Variants in CTNNA3 observed in about 807,000 individuals in gnomAD.
The protein encoded by CTNNA3 is catenin alpha-3.
In CTNNA3, 76 loss-of-function variants were observed where a neutral mutation model predicts 95.7. That is an observed-to-expected ratio of 0.79 (90% CI 0.66 to 0.96). The LOEUF (loss-of-function observed/expected upper bound fraction) is 0.96. Among genes scored for constraint, CTNNA3 ranks in the 40% least tolerant of loss-of-function variants. CTNNA3 has a pLI of 0.00. For synonymous variants in CTNNA3, 431 were observed against 374.4 expected (o/e 1.15, Z -1.74); for missense variants, 1,191 against 1,089.8 (o/e 1.09, Z -1.31).
chr10:66,893,542 CAA>C (rs147367482), intron 7 of CTNNA3, among the ~76,000 whole-genome samples: 13 of 131,444 alleles, frequency 9.9e-5, no homozygotes, highest in Middle Eastern at 3.9e-3. Context: ...AACAGAATTT[CAA>C]AAAAAAAAAA....
chr10:66,446,603 G>A lies in CTNNA3; in HGVS notation c.1532-67251C>T, dbSNP rs2093423655. Among the ~76,000 whole-genome samples the A allele has an allele frequency of 1.3e-5, 2 of 151,850 alleles. 1 individual carries two copies. The highest frequency in any genetic ancestry group is 2.9e-5 in the Non-Finnish European group (2 of 67,994). ...TGATTATCTCAATAGATGCAGAAAA[G>A]GCCTTTGACAAAATCCAAAAACCCT... On this transcript the variant is annotated intron_variant, in intron 11 of 17. Coordinates refer to ENST00000433211, the MANE Select transcript of CTNNA3 (RefSeq NM_013266.4).
Position 66,992,357 on chromosome 10 carries a change from T to C in CTNNA3, c.1047+187960A>G, listed in dbSNP as rs140808537. 5.1e-3 allele frequency among the ~76,000 whole-genome samples: 772 copies of C among 152,292 alleles called. 22 individuals carry two copies. The highest frequency in any genetic ancestry group is 0.043 in the Admixed American group (653 of 15,284). ...TTATATCCTTTGCCTATTTGTTGTT[T>C]CTTTGAGCTTCTCCCTCCTTCTCCT... is the stretch of plus-strand genomic sequence containing the variant. On this transcript the variant is annotated intron_variant, in intron 7 of 17. Transcript: ENST00000433211.
At chr10:66,775,363 C>T in intron 8 of CTNNA3, 81 bp downstream of exon 8, 7 of 948,368 alleles carry the variant, frequency 7.4e-6, no homozygotes, top group Non-Finnish European at 1.1e-5. Context: ...AGGAACAAAA[C>T]AAGAAACAAA....
intron 3 of CTNNA3, among the ~76,000 whole-genome samples, chr10:67,556,137 G>A (rs1389443622): frequency 6.6e-6 from 1 of 152,194 alleles, no homozygotes; most frequent in Non-Finnish European, 1.5e-5. Flanking sequence ...TTTTTGATGT[G>A]CTGCTGGATT....
At chr10:67,152,702 G>A (rs1861136798) in intron 7 of CTNNA3, among the ~76,000 whole-genome samples, 1 of 151,892 alleles carries the variant, frequency 6.6e-6, no homozygotes, top group African/African-American at 2.4e-5. Flanking sequence ...ATAAAGAAAG[G>A]GACTATTTAT....
chr10:66,020,364 G>A (rs1237938356), intron 15 of CTNNA3, among the ~76,000 whole-genome samples: 1 of 152,144 alleles, frequency 6.6e-6, no homozygotes, highest in Non-Finnish European at 1.5e-5. Context: ...TCTGGGAAAA[G>A]ACTGCTGATT....
At chr10:67,401,931 A>G (rs1844939224) in intron 5 of CTNNA3, among the ~76,000 whole-genome samples, 1 of 152,226 alleles carries the variant, frequency 6.6e-6, no homozygotes, top group South Asian at 2.1e-4. Context: ...TCAGAAACAA[A>G]GCCAACAAAG....
intron 12 of CTNNA3, among the ~76,000 whole-genome samples, chr10:66,310,114 T>C (rs4531353): frequency 0.64 from 95,973 of 150,416 alleles, 30,678 homozygotes; most frequent in East Asian, 0.75. Flanking sequence ...TGAGACTCCA[T>C]CTCAAAAAAA....
chr10:67,069,009 TCACCACTGAACTC>T (rs1297103598), intron 7 of CTNNA3, among the ~76,000 whole-genome samples: 1 of 151,620 alleles, frequency 6.6e-6, no homozygotes, highest in Non-Finnish European at 1.5e-5. Flanking sequence ...GCAGCTCAGA[TCACCACTGAACTC>T]CACTCTGGGC....
intron 13 of CTNNA3, among the ~76,000 whole-genome samples, chr10:66,144,917 T>C (rs559134394): frequency 6.6e-6 from 1 of 152,344 alleles, no homozygotes; most frequent in Non-Finnish European, 1.5e-5. Flanking sequence ...ATATGCATAC[T>C]TTTAGGGAAC....
In CTNNA3 at chr10:66,328,786, C is replaced by A. The variant is rs368096899; in HGVS notation, c.1733-48165G>T. Among the ~76,000 whole-genome samples the A allele has an allele frequency of 4.6e-4, 69 of 150,894 alleles. 1 individual carries two copies. The South Asian group carries it at 0.014, about 31-fold the overall frequency. ...ACCTGCATCTGAAGGCCTGAGAACC[C>A]AGGAGAACCAATAATGTAAGTTTCA... On this transcript the variant is annotated intron_variant, in intron 12 of 17. Transcript: ENST00000433211.
chr10:66,021,333 C>T (rs558828130), intron 15 of CTNNA3, among the ~76,000 whole-genome samples: 95 of 152,230 alleles, frequency 6.2e-4, no homozygotes, highest in Non-Finnish European at 9.6e-4. Flanking sequence ...GAAGAGCAAT[C>T]CACATCCTCA....
At chr10:66,086,292 T>C (rs189421124) in intron 14 of CTNNA3, among the ~76,000 whole-genome samples, 118 of 152,284 alleles carry the variant, frequency 7.7e-4, no homozygotes, top group African/African-American at 2.8e-3. Context: ...TTCAATTAGT[T>C]AAGCTTTCAA....
chr10:67,322,127 C>A (rs148261766), intron 5 of CTNNA3, among the ~76,000 whole-genome samples: 7 of 150,694 alleles, frequency 4.6e-5, no homozygotes, highest in Admixed American at 6.6e-5. Context: ...AAAAAAAAGA[C>A]CTTTTATAAA....
At chr10:67,236,508 T>A in intron 5 of CTNNA3, among the ~76,000 whole-genome samples, 1 of 88,846 alleles carries the variant, frequency 1.1e-5, no homozygotes, top group African/African-American at 4.3e-5. Flanking sequence ...CTGGGGACTG[T>A]TGTGGGGTGG....
At chr10:66,178,154 T>C (rs1443110562) in intron 13 of CTNNA3, among the ~76,000 whole-genome samples, 1 of 151,496 alleles carries the variant, frequency 6.6e-6, no homozygotes, top group African/African-American at 2.4e-5. Context: ...GACATCATAC[T>C]TGAAAAACTA....
rs117448527 is a variant in CTNNA3, at chr10:66,864,920, C to T, written c.1048-89396G>A. ...TAAAAATGATTGTTATATTAAAATA[C>T]GGAATTGTATACATTTAGATATTTT... On this transcript the variant is annotated intron_variant, in intron 7 of 17. Transcript: ENST00000433211. Among the ~76,000 whole-genome samples the T allele has an allele frequency of 4.3e-3, 650 of 151,878 alleles. 34 individuals carry two copies. In the East Asian group the frequency reaches 0.1, roughly 24 times the overall value.
intron 10 of CTNNA3, among the ~76,000 whole-genome samples, chr10:66,620,216 A>G (rs1389210251): frequency 4.6e-5 from 7 of 152,196 alleles, no homozygotes; most frequent in Non-Finnish European, 7.3e-5. Flanking sequence ...ATATATTAAA[A>G]TAATTAAAAG....
chr10:66,356,735 G>T (rs1392007851), intron 12 of CTNNA3, among the ~76,000 whole-genome samples: 6 of 151,974 alleles, frequency 3.9e-5, no homozygotes, highest in African/African-American at 1.4e-4. Flanking sequence ...AATGATGTTA[G>T]CTGTGGGCTT....
Sources: gnomAD v4.1 joint callset for allele counts (sites outside exome capture counted in the v4.1 genomes callset) on GRCh38, gnomAD v4.1.1 for gene constraint, MANE v1.5 for transcripts, NCBI Gene and HGNC (gene_info 2026-07-23, HGNC 2026-07-21) for gene names.